Variants in SIAH3 observed in about 807,000 individuals in gnomAD.
SIAH3 encodes the protein seven in absentia homolog 3.
In SIAH3, 9 loss-of-function variants were observed where a neutral mutation model predicts 12.6. The observed-to-expected ratio is 0.72, with a 90% CI of 0.43 to 1.25. The LOEUF is 1.25. Among genes scored for constraint, SIAH3 ranks in the 50% most tolerant of loss-of-function variants. SIAH3 has a pLI of 0.00. For synonymous variants in SIAH3, 154 were observed against 151.1 expected (o/e 1.02, Z -0.14); for missense variants, 390 against 365.4 (o/e 1.07, Z -0.55).
intron 1 of SIAH3, among the ~76,000 whole-genome samples, chr13:45,789,471 A>G (rs1427137505): frequency 6.6e-6 from 1 of 152,090 alleles, no homozygotes; most frequent in African/African-American, 2.4e-5. Context: ...CAGCGACGTG[A>G]TCTCGGCTCA....
At chr13:45,787,024 A>G (rs1159903250) in intron 1 of SIAH3, among the ~76,000 whole-genome samples, 1 of 152,120 alleles carries the variant, frequency 6.6e-6, no homozygotes, top group Admixed American at 6.5e-5. Context: ...GGGAGTGAGA[A>G]GAAATACCTG....
At chr13:45,834,831 G>A (rs1950712506) in intron 1 of SIAH3, among the ~76,000 whole-genome samples, 1 of 152,162 alleles carries the variant, frequency 6.6e-6, no homozygotes, top group African/African-American at 2.4e-5. Context: ...TGGACTCACT[G>A]CTAAACCTCT....
intron 1 of SIAH3, among the ~76,000 whole-genome samples, chr13:45,827,591 G>A (rs1173735424): frequency 6.6e-6 from 1 of 152,146 alleles, no homozygotes; most frequent in East Asian, 1.9e-4. Context: ...AGCAGCAAAG[G>A]AACCCTAGAG....
chr13:45,783,769 C>G lies in SIAH3; in HGVS notation c.424G>C (p.Val142Leu). The change falls in exon 2 of 2, where the codon GTC becomes CTC. Residue 142 changes from valine to leucine, a missense_variant. Physicochemically the swap from Val to Leu is conservative, Grantham distance 32. Transcript: ENST00000400405. Reference sequence around the variant, plus strand: ...AGGTGCATGTCCGTGGCCAGGAAGACGATCTCGGCTCCCTGGAGGATGTCA... The same window carrying G: ...AGGTGCATGTCCGTGGCCAGGAAGAGGATCTCGGCTCCCTGGAGGATGTCA... ...RVDILQGAEI[V>L]FLATDMHLPA... is the part of the protein sequence containing the mutation. 6.2e-7 allele frequency: 1 copy of G among 1,614,230 alleles called. No homozygotes were observed. Among genetic ancestry groups the G allele is most frequent in the Non-Finnish European group, 8.5e-7 (1 of 1,180,042 alleles).
At chr13:45,831,414 T>C (rs570362545) in intron 1 of SIAH3, among the ~76,000 whole-genome samples, 2 of 152,148 alleles carry the variant, frequency 1.3e-5, no homozygotes, top group Admixed American at 1.3e-4. Flanking sequence ...CAAATTGATA[T>C]TTGTAGACAT....
intron 1 of SIAH3, 76 bp downstream of exon 1, chr13:45,851,419 G>A: frequency 6.3e-7 from 1 of 1,588,560 alleles, no homozygotes; most frequent in Admixed American, 1.7e-5. Flanking sequence ...GCACACGTTC[G>A]CCGGAGGGTC....
chr13:45,789,552 G>A (rs553483616), intron 1 of SIAH3, among the ~76,000 whole-genome samples: 7 of 152,072 alleles, frequency 4.6e-5, no homozygotes, highest in East Asian at 3.9e-4. Flanking sequence ...GACTACAGGC[G>A]CCTGCTACCA....
chr13:45,848,105 C>A (rs773061389), intron 1 of SIAH3, among the ~76,000 whole-genome samples: 5 of 152,124 alleles, frequency 3.3e-5, no homozygotes, highest in Non-Finnish European at 5.9e-5. Flanking sequence ...TGAATCAGGA[C>A]CAGGAGCAGG....
chr13:45,813,128 G>C (rs74073621), intron 1 of SIAH3, among the ~76,000 whole-genome samples: 2,777 of 151,982 alleles, frequency 0.018, 88 homozygotes, highest in African/African-American at 0.064. Context: ...TCCCGGACCT[G>C]ATGGGAACAT....
At chr13:45,849,963 T>C (rs1287956525) in intron 1 of SIAH3, among the ~76,000 whole-genome samples, 1 of 152,218 alleles carries the variant, frequency 6.6e-6, no homozygotes, top group Non-Finnish European at 1.5e-5. Context: ...AATTCAGAAT[T>C]TTATTTTAAT....
At chr13:45,785,612 T>A (rs2137548128) in intron 1 of SIAH3, among the ~76,000 whole-genome samples, 1 of 152,330 alleles carries the variant, frequency 6.6e-6, no homozygotes, top group East Asian at 1.9e-4. Flanking sequence ...TGTGCACACA[T>A]GGTGCACTGG....
At chr13:45,845,084 T>C (rs563576837) in intron 1 of SIAH3, among the ~76,000 whole-genome samples, 57 of 152,338 alleles carry the variant, frequency 3.7e-4, no homozygotes, top group African/African-American at 1.3e-3. Flanking sequence ...CTTTCACACA[T>C]AGTGCCAATA....
intron 1 of SIAH3, among the ~76,000 whole-genome samples, chr13:45,821,640 C>T (rs1382999196): frequency 1.3e-5 from 2 of 151,798 alleles, no homozygotes; most frequent in African/African-American, 4.8e-5. Context: ...TCCTAATTAA[C>T]TATAGCAAAG....
intron 1 of SIAH3, among the ~76,000 whole-genome samples, chr13:45,850,860 T>G (rs1950778078): frequency 6.6e-6 from 1 of 150,532 alleles, no homozygotes; most frequent in Admixed American, 6.6e-5. Flanking sequence ...CAAATCCTGC[T>G]CCAGTACACA....
At chr13:45,784,118 C>G in intron 1 of SIAH3, 61 bp from the exon 2 acceptor site, 1 of 1,454,858 alleles carries the variant, frequency 6.9e-7, no homozygotes. Flanking sequence ...GGCCGCCACT[C>G]CCCTGATGTT....
intron 1 of SIAH3, among the ~76,000 whole-genome samples, chr13:45,796,658 T>C (rs562412603): frequency 2.6e-5 from 4 of 152,226 alleles, no homozygotes; most frequent in Admixed American, 6.5e-5. Context: ...AGCTCCTCTC[T>C]GAGATTAGAC....
At chr13:45,805,203 C>T (rs986490401) in intron 1 of SIAH3, among the ~76,000 whole-genome samples, 4 of 151,954 alleles carry the variant, frequency 2.6e-5, no homozygotes, top group African/African-American at 7.2e-5. Flanking sequence ...TCAACATTAC[C>T]GTTCACAGAA....
intron 1 of SIAH3, among the ~76,000 whole-genome samples, chr13:45,831,641 A>G (rs1182765544): frequency 6.6e-6 from 1 of 152,156 alleles, no homozygotes; most frequent in Non-Finnish European, 1.5e-5. Flanking sequence ...ACAAAGCAAT[A>G]AAGACATCAC....
At chr13:45,824,012 GTAAACCCATCACCCAA>G (rs1950665026) in intron 1 of SIAH3, among the ~76,000 whole-genome samples, 1 of 152,206 alleles carries the variant, frequency 6.6e-6, no homozygotes, top group African/African-American at 2.4e-5. Context: ...TGGGTTTCTA[GTAAACCCATCACCCAA>G]ACAGTGAACA....
Sources: allele counts gnomAD v4.1 joint callset (sites outside exome capture counted in the v4.1 genomes callset), GRCh38; gene constraint gnomAD v4.1.1; transcripts MANE v1.5; gene names NCBI Gene and HGNC (gene_info 2026-07-23, HGNC 2026-07-21).